Variants in ABCC9 observed in about 807,000 individuals in gnomAD.
ABCC9 encodes ATP binding cassette subfamily C member 9.
ABCC9 carries 95 observed loss-of-function variants against 188.3 expected under a neutral mutation model. The observed-to-expected ratio is 0.50, with a 90% CI of 0.43 to 0.60. The LOEUF (loss-of-function observed/expected upper bound fraction) is 0.60. Among genes scored for constraint, ABCC9 ranks in the 20% least tolerant of loss-of-function variants. The pLI, the probability that ABCC9 is intolerant of heterozygous loss-of-function variation, is 0.00. For synonymous variants in ABCC9, 659 were observed against 652.7 expected (o/e 1.01, Z -0.15); for missense variants, 1,102 against 1,876.3 (o/e 0.59, Z 7.62).
At chr12:21,832,161 A>G (rs1018958395) in intron 30 of ABCC9, among the ~76,000 whole-genome samples, 1 of 152,186 alleles carries the variant, frequency 6.6e-6, no homozygotes, top group Non-Finnish European at 1.5e-5. Context: ...TTAGACCTTT[A>G]TTCTGTCAGA....
chr12:21,818,418 A>G (rs1402727980), intron 31 of ABCC9, among the ~76,000 whole-genome samples, 167 bp from the exon 32 acceptor site: 2 of 151,228 alleles, frequency 1.3e-5, no homozygotes, highest in African/African-American at 2.4e-5. Context: ...AGCTTGCAAT[A>G]TTAGAGCTGG....
At chr12:21,893,830 A>G (rs1947282396) in intron 14 of ABCC9, among the ~76,000 whole-genome samples, 1 of 152,238 alleles carries the variant, frequency 6.6e-6, no homozygotes, top group African/African-American at 2.4e-5. Flanking sequence ...AAAATGCTAG[A>G]TAAATTTAAA....
Position 21,845,590 on chromosome 12 carries a change from G to A in ABCC9, c.3096+13C>T, listed in dbSNP as rs370712530. On this transcript the variant is annotated intron_variant, in intron 26 of 39. Transcript: ENST00000261200. ...TCCTTGATGATTTAAAAACAAAACCGAACCAATTGTACCTGATCAGCTTTT... is the reference window on the plus strand; with the variant it reads ...TCCTTGATGATTTAAAAACAAAACCAAACCAATTGTACCTGATCAGCTTTT... 5.5e-5 allele frequency: 88 copies of A among 1,607,986 alleles called. No individual in the cohort carries two copies. In the African/African-American group the frequency reaches 5.6e-4, roughly 10 times the overall value.
rs1264086698 is a variant in ABCC9 at position 21,913,046 on chromosome 12, T to C, written c.837A>G (p.Pro279=). Residue 279 remains proline (P), a synonymous_variant, in exon 8 of 40, where the codon CCA becomes CCG. Transcript: ENST00000261200. ...EEQKKKVADH[P]NRTPSIWLAM... Reference sequence around the variant, plus strand: ...CAAGCCATATAGATGGAGTCCGATTTGGATGATCTGCAACTTTTTTCTGAA... The same window carrying C: ...CAAGCCATATAGATGGAGTCCGATTCGGATGATCTGCAACTTTTTTCTGAA... 27 of 1,599,650 alleles carry C rather than the reference T, an allele frequency of 1.7e-5. No homozygotes were observed. The highest frequency in any genetic ancestry group is 2.1e-5 in the Non-Finnish European group (25 of 1,176,146).
intron 39 of ABCC9, among the ~76,000 whole-genome samples, chr12:21,802,820 A>G (rs909341926): frequency 2.6e-5 from 4 of 152,050 alleles, no homozygotes. Flanking sequence ...CCATCCCCAG[A>G]GTTGAGGGCC....
intron 30 of ABCC9, among the ~76,000 whole-genome samples, chr12:21,834,864 T>A (rs1943989334): frequency 6.8e-6 from 1 of 147,898 alleles, no homozygotes; most frequent in Non-Finnish European, 1.5e-5. Context: ...GAACTGATCT[T>A]TCCCACCATT....
intron 31 of ABCC9, among the ~76,000 whole-genome samples, chr12:21,827,626 A>G (rs1261172140): frequency 6.6e-6 from 1 of 151,888 alleles, no homozygotes; most frequent in African/African-American, 2.4e-5. Context: ...TGGTTTGTAT[A>G]GGGTTTGGGA....
At chr12:21,883,944 T>C (rs552223272) in intron 15 of ABCC9, among the ~76,000 whole-genome samples, 2 of 152,280 alleles carry the variant, frequency 1.3e-5, no homozygotes, top group East Asian at 3.9e-4. Flanking sequence ...TTTGGTTCAG[T>C]TTCACACAGA....
At chr12:21,841,846 T>C (rs1944410773) in intron 29 of ABCC9, among the ~76,000 whole-genome samples, 1 of 152,172 alleles carries the variant, frequency 6.6e-6, no homozygotes, top group Admixed American at 6.5e-5. Context: ...AAATGAATCA[T>C]AATGTCAGGA....
chr12:21,939,556 G>C (rs899045387), intron 2 of ABCC9, among the ~76,000 whole-genome samples: 1 of 152,110 alleles, frequency 6.6e-6, no homozygotes, highest in Non-Finnish European at 1.5e-5. Context: ...GTTCTTGCTG[G>C]CTAAACTCTG....
intron 37 of ABCC9, 22 bp from the exon 38 acceptor site, chr12:21,807,501 G>C: frequency 6.2e-7 from 1 of 1,613,414 alleles, no homozygotes; most frequent in East Asian, 2.2e-5. Context: ...AAAGAAGCAA[G>C]GATTTCACTA....
chr12:21,877,683 G>A (rs61921468), intron 16 of ABCC9, among the ~76,000 whole-genome samples: 7,240 of 152,220 alleles, frequency 0.048, 231 homozygotes, highest in Admixed American at 0.071. Flanking sequence ...GGGAGCTAAG[G>A]TGATCTGGAG....
chr12:21,908,761 G>A (rs1289399118), intron 10 of ABCC9, among the ~76,000 whole-genome samples: 1 of 151,906 alleles, frequency 6.6e-6, no homozygotes, highest in Non-Finnish European at 1.5e-5. Context: ...TGACAAGAAG[G>A]CTGACGGTAA....
chr12:21,930,135 A>C (rs1165730757), intron 4 of ABCC9, among the ~76,000 whole-genome samples: 1 of 152,120 alleles, frequency 6.6e-6, no homozygotes, highest in Non-Finnish European at 1.5e-5. Context: ...AGCTTCATCC[A>C]TGTCCCTACA....
chr12:21,899,280 T>A (rs1947590955), intron 12 of ABCC9, among the ~76,000 whole-genome samples: 1 of 152,198 alleles, frequency 6.6e-6, no homozygotes, highest in African/African-American at 2.4e-5. Flanking sequence ...CGGCCAATGC[T>A]GTTTGAGAAA....
chr12:21,877,516 C>A (rs1416592964), intron 16 of ABCC9, among the ~76,000 whole-genome samples: 2 of 152,074 alleles, frequency 1.3e-5, no homozygotes, highest in Non-Finnish European at 2.9e-5. Context: ...AAATGGCATG[C>A]AAAGAAATTA....
Position 21,912,884 on chromosome 12 carries a change from A to G in ABCC9, c.999T>C (p.Asn333=), listed in dbSNP as rs1347562799. 24 of 1,613,340 alleles carry G rather than the reference A, an allele frequency of 1.5e-5. No homozygotes were observed. The highest frequency in any genetic ancestry group is 2.0e-5 in the Non-Finnish European group (24 of 1,179,562). The part of the protein sequence containing the change: ...QRVNETQNGT[N]NTTGISETLS... ...ACCAGGAACTTACTCCAGTTGTGTT[A>G]TTTGTCCCATTCTGGGTTTCATTCA... The change falls in exon 8 of 40, where the codon AAT becomes AAC. Residue 333 remains asparagine, a synonymous_variant. Transcript: ENST00000261200.
chr12:21,933,138 A>G (rs1419860896), intron 4 of ABCC9, among the ~76,000 whole-genome samples: 2 of 151,828 alleles, frequency 1.3e-5, no homozygotes, highest in Non-Finnish European at 2.9e-5. Flanking sequence ...ATAGAAAACC[A>G]AATACCACAT....
chr12:21,861,946 A>T (rs528513246), intron 20 of ABCC9, among the ~76,000 whole-genome samples: 141 of 152,276 alleles, frequency 9.3e-4, no homozygotes, highest in African/African-American at 3.1e-3. Flanking sequence ...TGGAAATCAG[A>T]TGAACTGGAA....
Sources: gnomAD v4.1 joint callset for allele counts (sites outside exome capture counted in the v4.1 genomes callset) on GRCh38, gnomAD v4.1.1 for gene constraint, MANE v1.5 for transcripts, NCBI Gene and HGNC (gene_info 2026-07-23, HGNC 2026-07-21) for gene names.